Variants in CDH18 observed in about 807,000 individuals in gnomAD.
The protein encoded by CDH18 is cadherin-18.
CDH18 carries 31 observed loss-of-function variants against 67.9 expected under a neutral mutation model. The ratio of observed to expected loss-of-function variants is 0.46; its 90% CI spans 0.34 to 0.62. The LOEUF (loss-of-function observed/expected upper bound fraction) is 0.62. CDH18 is among the 20% of genes least tolerant of loss of function. The pLI is 0.01. For missense variants in CDH18, 890 were observed against 975.5 expected (o/e 0.91, Z 1.17); for synonymous variants, 362 against 347.2 (o/e 1.04, Z -0.48).
chr5:20,150,435 T>TATA (rs1212381527), intron 2 of CDH18, among the ~76,000 whole-genome samples: 1 of 151,980 alleles, frequency 6.6e-6, no homozygotes, highest in African/African-American at 2.4e-5. Context: ...GCCTATGAAG[T>TATA]ATAATAAGTT....
At chr5:19,831,960 T>C (rs116355926) in intron 3 of CDH18, among the ~76,000 whole-genome samples, 1,557 of 152,168 alleles carry the variant, frequency 0.01, 23 homozygotes, top group African/African-American at 0.035. Context: ...TTTGCAGCAA[T>C]GTGGATACAA....
At chr5:20,509,080 CATTA>C (rs1394144821) in intron 1 of CDH18, among the ~76,000 whole-genome samples, 3 of 152,082 alleles carry the variant, frequency 2.0e-5, no homozygotes, top group South Asian at 2.1e-4. Context: ...ACATGCTTAT[CATTA>C]ATTAGTGATA....
At chr5:20,454,280 T>C (rs555042406) in intron 1 of CDH18, among the ~76,000 whole-genome samples, 53 of 152,284 alleles carry the variant, frequency 3.5e-4, no homozygotes, top group Non-Finnish European at 7.1e-4. Context: ...TTTTTATCTA[T>C]TGATTGCTTA....
At chr5:19,859,763 T>A (rs1784679407) in intron 2 of CDH18, among the ~76,000 whole-genome samples, 1 of 152,190 alleles carries the variant, frequency 6.6e-6, no homozygotes, top group South Asian at 2.1e-4. Flanking sequence ...TATTGATAAA[T>A]GTCCATGTTT....
intron 3 of CDH18, among the ~76,000 whole-genome samples, chr5:19,811,168 A>C (rs1183800992): frequency 6.7e-6 from 1 of 149,082 alleles, no homozygotes; most frequent in Non-Finnish European, 1.5e-5. Flanking sequence ...GAAGGAGAGA[A>C]AGAAAGAGAA....
chr5:19,910,718 C>T (rs1791042798), intron 2 of CDH18, among the ~76,000 whole-genome samples: 2 of 152,114 alleles, frequency 1.3e-5, no homozygotes, highest in Admixed American at 6.6e-5. Context: ...AAATAGTTAT[C>T]TAAGTCTTAC....
chr5:20,051,609 A>G (rs942731575), intron 2 of CDH18, among the ~76,000 whole-genome samples: 3 of 151,996 alleles, frequency 2.0e-5, no homozygotes, highest in African/African-American at 7.2e-5. Context: ...TAAAACTTAA[A>G]CAACTGGGTG....
intron 1 of CDH18, among the ~76,000 whole-genome samples, chr5:20,518,449 T>C (rs1227860332): frequency 2.6e-5 from 4 of 152,144 alleles, no homozygotes; most frequent in Non-Finnish European, 1.5e-5. Flanking sequence ...GCTCCCTTTT[T>C]GGTTCCTCTC....
At chr5:20,477,516 G>A (rs1228034967) in intron 1 of CDH18, among the ~76,000 whole-genome samples, 1 of 152,194 alleles carries the variant, frequency 6.6e-6, no homozygotes, top group East Asian at 1.9e-4. Context: ...TTGTAACTTA[G>A]TGCTTCCCTG....
intron 2 of CDH18, among the ~76,000 whole-genome samples, chr5:19,995,038 T>A (rs1215243430): frequency 6.6e-6 from 1 of 150,842 alleles, no homozygotes; most frequent in Non-Finnish European, 1.5e-5. Flanking sequence ...GAAAAGATAT[T>A]CCAGCTCAAG....
At chr5:19,934,759 A>G (rs1167670312) in intron 2 of CDH18, among the ~76,000 whole-genome samples, 4 of 151,354 alleles carry the variant, frequency 2.6e-5, no homozygotes, top group African/African-American at 9.7e-5. Flanking sequence ...TCTTTTTGCA[A>G]ATGTTTAGAC....
Position 19,817,983 on chromosome 5 carries a change from C to T in CDH18, c.228+20776G>A, listed in dbSNP as rs570125108. On this transcript the variant is annotated intron_variant, in intron 3 of 12. Coordinates refer to ENST00000382275, the MANE Select transcript of CDH18 (RefSeq NM_004934.5). ...CTAAAATATAAATTTTATATAAATTCCAGGTATCACAAAATATTATTTTCT... is the reference window on the plus strand; with the variant it reads ...CTAAAATATAAATTTTATATAAATTTCAGGTATCACAAAATATTATTTTCT... Among the ~76,000 whole-genome samples the T allele has an allele frequency of 2.4e-4, 37 of 152,038 alleles. No individual in the cohort carries two copies. In the East Asian group the frequency reaches 6.8e-3, roughly 28 times the overall value.
At chr5:19,778,799 G>A (rs1026044286) in intron 3 of CDH18, among the ~76,000 whole-genome samples, 4 of 152,082 alleles carry the variant, frequency 2.6e-5, no homozygotes, top group African/African-American at 9.7e-5. Context: ...TAGCCAATAG[G>A]AGCCCATCTC....
At chr5:20,328,926 G>GTGAT (rs74909478) in intron 1 of CDH18, among the ~76,000 whole-genome samples, 75,347 of 151,746 alleles carry the variant, frequency 0.5, 19,997 homozygotes, top group Middle Eastern at 0.63. Flanking sequence ...AGACTGCAAT[G>GTGAT]TGATTGCACC....
At chr5:19,831,387 C>A (rs1781010822) in intron 3 of CDH18, among the ~76,000 whole-genome samples, 1 of 151,820 alleles carries the variant, frequency 6.6e-6, no homozygotes, top group Non-Finnish European at 1.5e-5. Flanking sequence ...GGTATAATAT[C>A]TAGAATCTGT....
chr5:19,673,723 G>T (rs1280936044), intron 5 of CDH18, among the ~76,000 whole-genome samples: 1 of 151,872 alleles, frequency 6.6e-6, no homozygotes, highest in Non-Finnish European at 1.5e-5. Context: ...TGTTTAAAAT[G>T]GATTGATAAT....
intron 2 of CDH18, among the ~76,000 whole-genome samples, chr5:19,995,986 C>T (rs1315567024): frequency 6.6e-6 from 1 of 152,000 alleles, no homozygotes; most frequent in Non-Finnish European, 1.5e-5. Context: ...GCACTCAGGA[C>T]ACAATATTTA....
chr5:20,522,624 T>C (rs553760772), intron 1 of CDH18, among the ~76,000 whole-genome samples: 1 of 152,282 alleles, frequency 6.6e-6, no homozygotes, highest in South Asian at 2.1e-4. Flanking sequence ...AGTAGAGACA[T>C]CTGAAATGTT....
At chr5:20,380,159 A>T (rs890652068) in intron 1 of CDH18, among the ~76,000 whole-genome samples, 3 of 152,158 alleles carry the variant, frequency 2.0e-5, no homozygotes, top group Middle Eastern at 3.2e-3. Context: ...TTGTCCATTT[A>T]ATAGCATTTT....
Sources: gnomAD v4.1 joint callset for allele counts (sites outside exome capture counted in the v4.1 genomes callset) on GRCh38, gnomAD v4.1.1 for gene constraint, MANE v1.5 for transcripts, NCBI Gene and HGNC (gene_info 2026-07-23, HGNC 2026-07-21) for gene names.